Variants in PPM1E observed in about 807,000 individuals in gnomAD.
The protein encoded by PPM1E is protein phosphatase, Mg2+/Mn2+ dependent 1E.
A neutral mutation model predicts 65.9 loss-of-function variants in PPM1E; 20 were observed. The ratio of observed to expected loss-of-function variants is 0.30; its 90% CI spans 0.21 to 0.44. PPM1E has a LOEUF of 0.44. PPM1E is among the 20% of genes least tolerant of loss of function. The probability of loss-of-function intolerance (pLI) is 1.00; values close to 1 mark genes in which losing one functional copy is unlikely to be tolerated. For synonymous variants in PPM1E, 352 were observed against 374.9 expected (o/e 0.94, Z 0.70); for missense variants, 713 against 953.1 (o/e 0.75, Z 3.32).
intron 1 of PPM1E, among the ~76,000 whole-genome samples, chr17:58,823,600 T>G (rs1353841002): frequency 6.6e-6 from 1 of 152,242 alleles, no homozygotes; most frequent in Non-Finnish European, 1.5e-5. Context: ...GTGTTTTGTA[T>G]ATTTTTAAAT....
chr17:58,783,706 G>A (rs1363754618), intron 1 of PPM1E, among the ~76,000 whole-genome samples: 1 of 152,000 alleles, frequency 6.6e-6, no homozygotes, highest in Non-Finnish European at 1.5e-5. Context: ...TATTTGTGTA[G>A]TGGTTTTGTT....
chr17:58,849,703 A>G (rs913789850), intron 1 of PPM1E, among the ~76,000 whole-genome samples: 6 of 152,174 alleles, frequency 3.9e-5, no homozygotes, highest in African/African-American at 7.2e-5. Context: ...TATGTGGTCA[A>G]TTTTGGAATA....
intron 1 of PPM1E, among the ~76,000 whole-genome samples, chr17:58,933,684 T>C (rs1214411898): frequency 6.6e-6 from 1 of 151,392 alleles, no homozygotes; most frequent in African/African-American, 2.4e-5. Flanking sequence ...TAATCCTAGC[T>C]ACTCAGGAGG....
At chr17:58,778,859 T>A (rs1186270606) in intron 1 of PPM1E, among the ~76,000 whole-genome samples, 1 of 149,672 alleles carries the variant, frequency 6.7e-6, no homozygotes, top group Admixed American at 6.7e-5. Context: ...CAAAGAGCCA[T>A]CCTTTAGGAA....
chr17:58,818,234 T>C (rs2050446246), intron 1 of PPM1E, among the ~76,000 whole-genome samples: 1 of 152,192 alleles, frequency 6.6e-6, no homozygotes, highest in African/African-American at 2.4e-5. Context: ...CAATGCATAC[T>C]GGGTGGGAGC....
intron 1 of PPM1E, among the ~76,000 whole-genome samples, chr17:58,765,780 A>C (rs901261162): frequency 1.3e-5 from 2 of 152,044 alleles, no homozygotes; most frequent in African/African-American, 4.8e-5. Context: ...TAAGATCACT[A>C]TAGAAACATT....
chr17:58,835,460 T>A (rs192827350), intron 1 of PPM1E, among the ~76,000 whole-genome samples: 4 of 152,328 alleles, frequency 2.6e-5, no homozygotes, highest in Admixed American at 2.6e-4. Flanking sequence ...ATTGTAAATG[T>A]TCTGGGAAAT....
At chr17:58,779,315 G>A (rs1020585049) in intron 1 of PPM1E, among the ~76,000 whole-genome samples, 2 of 151,618 alleles carry the variant, frequency 1.3e-5, no homozygotes, top group Non-Finnish European at 2.9e-5. Context: ...GGGATTATAG[G>A]CATGCACCAC....
At chr17:58,798,969 ACAGGCGTGAAC>A (rs1405479778) in intron 1 of PPM1E, among the ~76,000 whole-genome samples, 1 of 152,184 alleles carries the variant, frequency 6.6e-6, no homozygotes, top group Non-Finnish European at 1.5e-5. Flanking sequence ...TGTTGGGATT[ACAGGCGTGAAC>A]CACTGTGCCC....
intron 1 of PPM1E, among the ~76,000 whole-genome samples, chr17:58,778,402 CTTT>C (rs59155396): frequency 3.5e-5 from 3 of 86,054 alleles, no homozygotes. Flanking sequence ...GGCTGGCCAT[CTTT>C]TTTTTTTTTT....
intron 1 of PPM1E, among the ~76,000 whole-genome samples, chr17:58,871,862 G>T (rs1260279617): frequency 6.6e-6 from 1 of 151,216 alleles, no homozygotes; most frequent in Non-Finnish European, 1.5e-5. Context: ...ATATTTGTCA[G>T]TTGTCAGTTG....
intron 1 of PPM1E, among the ~76,000 whole-genome samples, chr17:58,884,990 C>G (rs2051248779): frequency 1.3e-5 from 2 of 152,006 alleles, no homozygotes; most frequent in Non-Finnish European, 2.9e-5. Flanking sequence ...TACTTTTCAT[C>G]TCATGTGTAG....
At chr17:58,836,023 CAGTCA>C (rs2050652298) in intron 1 of PPM1E, 1 of 152,062 alleles carries the variant, frequency 6.6e-6, no homozygotes, top group African/African-American at 2.4e-5. Flanking sequence ...AGACTTAGAA[CAGTCA>C]AGTAATTAAT....
intron 1 of PPM1E, among the ~76,000 whole-genome samples, chr17:58,828,528 G>A (rs543832138): frequency 5.9e-5 from 9 of 151,744 alleles, no homozygotes; most frequent in Admixed American, 3.9e-4. Flanking sequence ...GCAATGCCGC[G>A]ATCTCGCCTC....
chr17:58,834,875 C>A (rs981494386), intron 1 of PPM1E, among the ~76,000 whole-genome samples: 3 of 151,822 alleles, frequency 2.0e-5, no homozygotes, highest in Non-Finnish European at 4.4e-5. Context: ...GTTCCTTTGC[C>A]TTTCCATATA....
At chr17:58,798,251 C>T (rs1438396428) in intron 1 of PPM1E, among the ~76,000 whole-genome samples, 47 of 126,038 alleles carry the variant, frequency 3.7e-4, no homozygotes, top group African/African-American at 1.4e-3. Flanking sequence ...TTTTTTGAGA[C>T]GAAGTCTCGT....
In PPM1E at chr17:58,944,421, C is replaced by G. The variant is rs576593428; in HGVS notation, c.465-11228C>G. ...TACAGTCACAGTTGTTCAACCGTCA[C>G]CCTAAGTTCCAGAAAATTTTCATCA... On this transcript the variant is annotated intron_variant, in intron 1 of 6. Transcript: ENST00000308249. 2.0e-5 allele frequency among the ~76,000 whole-genome samples: 3 copies of G among 152,184 alleles called. No homozygotes were observed. In the South Asian group the frequency reaches 6.2e-4, roughly 32 times the overall value.
chr17:58,900,341 C>A (rs576338270), intron 1 of PPM1E, among the ~76,000 whole-genome samples: 1 of 152,052 alleles, frequency 6.6e-6, no homozygotes, highest in Non-Finnish European at 1.5e-5. Context: ...AAGAAATTAC[C>A]GCAGTCACTC....
chr17:58,963,101 A>G (rs1389956248), intron 2 of PPM1E, among the ~76,000 whole-genome samples: 1 of 151,786 alleles, frequency 6.6e-6, no homozygotes, highest in African/African-American at 2.4e-5. Flanking sequence ...AAAGAAAAAA[A>G]AAGCTGGGCA....
Sources: allele counts gnomAD v4.1 joint callset (sites outside exome capture counted in the v4.1 genomes callset), GRCh38; gene constraint gnomAD v4.1.1; transcripts MANE v1.5; gene names NCBI Gene and HGNC (gene_info 2026-07-23, HGNC 2026-07-21).